The following DTNA variants were observed in gnomAD, a reference collection of about 807,000 sequenced individuals.
DTNA encodes the protein dystrophin-related protein 3.
DTNA carries 43 observed loss-of-function variants against 100.7 expected under a neutral mutation model. The observed-to-expected ratio is 0.43, with a 90% CI of 0.33 to 0.55. The LOEUF (loss-of-function observed/expected upper bound fraction) is 0.55, where lower values mean the gene tolerates loss of function less well. Among genes scored for constraint, DTNA ranks in the 20% least tolerant of loss-of-function variants. The probability of loss-of-function intolerance (pLI) is 0.04; values close to 1 mark genes in which losing one functional copy is unlikely to be tolerated. For synonymous variants in DTNA, 349 were observed against 347.9 expected (o/e 1.00, Z -0.04); for missense variants, 798 against 953.9 (o/e 0.84, Z 2.15).
chr18:34,889,758 C>T lies in DTNA; in HGVS notation c.*2024C>T, dbSNP rs1331257828. The T allele has an allele frequency of 2.0e-6, 2 of 986,488 alleles. No individual in the cohort carries two copies. The highest frequency in any genetic ancestry group is 3.5e-5 in the African/African-American group (2 of 57,224). The allele number at this position is 986,488 out of a possible 1,614,324, so 61.1% of individuals were successfully genotyped here. ...TGACATACTTAATCATATATCTCTC[C>T]AGAGAACTCACCTGACAAATGTCTC... On this transcript the variant is annotated 3_prime_UTR_variant, in exon 23 of 23. Coordinates refer to ENST00000444659, the MANE Select transcript of DTNA (RefSeq NM_001386795.1).
intron 1 of DTNA, among the ~76,000 whole-genome samples, chr18:34,531,557 A>G (rs769052783): frequency 2.7e-4 from 41 of 152,142 alleles, no homozygotes; most frequent in Non-Finnish European, 5.0e-4. Context: ...TTTATTAACT[A>G]TCACTTCATT....
At chr18:34,508,584 T>A (rs1378400953) in intron 1 of DTNA, among the ~76,000 whole-genome samples, 3 of 152,306 alleles carry the variant, frequency 2.0e-5, no homozygotes, top group Non-Finnish European at 2.9e-5. Context: ...TGTTTTATGA[T>A]GGTGCTGAAA....
chr18:34,768,888 T>A (rs964649239), intron 3 of DTNA, among the ~76,000 whole-genome samples: 2 of 152,190 alleles, frequency 1.3e-5, no homozygotes, highest in Non-Finnish European at 2.9e-5. Flanking sequence ...TGTAGAAAGA[T>A]AATGATAGAA....
chr18:34,862,049 G>T (rs1044129286), intron 16 of DTNA, among the ~76,000 whole-genome samples: 2 of 140,706 alleles, frequency 1.4e-5, no homozygotes, highest in African/African-American at 5.3e-5. Context: ...GAACTGGAAA[G>T]AAATCAGAAA....
At chr18:34,623,846 T>C (rs1014892024) in intron 1 of DTNA, among the ~76,000 whole-genome samples, 8 of 152,190 alleles carry the variant, frequency 5.3e-5, no homozygotes, top group Non-Finnish European at 1.0e-4. Context: ...GAAAGCTGCA[T>C]TTTAAAAACT....
chr18:34,498,444 TAA>T (rs1568539386), intron 1 of DTNA, among the ~76,000 whole-genome samples: 18 of 57,112 alleles, frequency 3.2e-4, no homozygotes, highest in African/African-American at 1.0e-3. Context: ...GAAAATAATA[TAA>T]TAATAATAAT....
chr18:34,554,627 G>T (rs2045830238), intron 1 of DTNA, among the ~76,000 whole-genome samples: 1 of 151,602 alleles, frequency 6.6e-6, no homozygotes, highest in African/African-American at 2.4e-5. Context: ...CATCTATTGA[G>T]ATAATCATGT....
At chr18:34,517,153 C>T (rs6507095) in intron 1 of DTNA, among the ~76,000 whole-genome samples, 14,668 of 152,130 alleles carry the variant, frequency 0.096, 798 homozygotes, top group Non-Finnish European at 0.12. Context: ...CTCAGCCATC[C>T]ACATAACTGT....
At chr18:34,808,818 C>T (rs1323777456) in intron 5 of DTNA, among the ~76,000 whole-genome samples, 1 of 152,144 alleles carries the variant, frequency 6.6e-6, no homozygotes, top group Non-Finnish European at 1.5e-5. Context: ...ATGCATGTGT[C>T]CCCTTGGAGG....
intron 3 of DTNA, among the ~76,000 whole-genome samples, chr18:34,772,246 A>G (rs895370532): frequency 1.3e-5 from 2 of 152,216 alleles, no homozygotes; most frequent in Non-Finnish European, 2.9e-5. Flanking sequence ...CTATAATTAT[A>G]TCTCGGCTGT....
Position 34,858,328 on chromosome 18 carries a change from C to T in DTNA, c.1576C>T (p.Gln526Ter). The T allele has an allele frequency of 6.2e-7, 1 of 1,614,172 alleles. No individual in the cohort carries two copies. Among genetic ancestry groups the T allele is most frequent in the Non-Finnish European group, 8.5e-7 (1 of 1,180,028 alleles). The change falls in exon 16 of 23, where the codon CAA becomes TAA. Residue 526 changes from glutamine (Q) to a stop codon, truncating the protein, a stop_gained. Transcript: ENST00000444659. LOFTEE classifies it high-confidence loss of function. Reference protein sequence around the residue: ...EIQRLRLEHEQASQPTPEKAQ... With the variant: ...EIQRLRLEHE ...CCAGAGACTTCGGCTAGAGCATGAA[C>T]AAGCTTCTCAGCCCACGCCAGAGAA...
intron 1 of DTNA, among the ~76,000 whole-genome samples, chr18:34,496,869 G>C (rs1182659061): frequency 6.6e-6 from 1 of 152,122 alleles, no homozygotes; most frequent in Non-Finnish European, 1.5e-5. Flanking sequence ...TTTCCTAAAT[G>C]CTTGCATGTT....
At chr18:34,661,708 T>C (rs150199437) in intron 1 of DTNA, among the ~76,000 whole-genome samples, 2 of 152,242 alleles carry the variant, frequency 1.3e-5, no homozygotes, top group Non-Finnish European at 2.9e-5. Context: ...CGCCTCTCCA[T>C]CCACTGTTCC....
intron 1 of DTNA, among the ~76,000 whole-genome samples, chr18:34,733,883 T>A (rs899226194): frequency 6.6e-6 from 1 of 152,190 alleles, no homozygotes; most frequent in Admixed American, 6.5e-5. Flanking sequence ...TATTAGAATA[T>A]TTTTTAACTC....
At chr18:34,552,645 G>C (rs1421596294) in intron 1 of DTNA, among the ~76,000 whole-genome samples, 1 of 150,226 alleles carries the variant, frequency 6.7e-6, no homozygotes, top group Non-Finnish European at 1.5e-5. Context: ...TTTTGTTCTT[G>C]CGATAGTTTA....
At chr18:34,575,261 C>T (rs1257481881) in intron 1 of DTNA, among the ~76,000 whole-genome samples, 2 of 152,124 alleles carry the variant, frequency 1.3e-5, no homozygotes, top group South Asian at 2.1e-4. Context: ...TAATATAATG[C>T]ATAAGCTTCT....
intron 1 of DTNA, among the ~76,000 whole-genome samples, chr18:34,740,951 G>C (rs541900163): frequency 1.3e-5 from 2 of 152,254 alleles, no homozygotes; most frequent in African/African-American, 4.8e-5. Context: ...TGAGGCACAG[G>C]CATCATGAAT....
At chr18:34,673,238 A>C (rs957770214) in intron 1 of DTNA, among the ~76,000 whole-genome samples, 4 of 152,056 alleles carry the variant, frequency 2.6e-5, no homozygotes, top group Non-Finnish European at 4.4e-5. Context: ...GGTACACACC[A>C]CCACGCCCAG....
intron 1 of DTNA, among the ~76,000 whole-genome samples, chr18:34,500,741 G>A (rs2039824145): frequency 6.6e-6 from 1 of 152,082 alleles, no homozygotes; most frequent in Admixed American, 6.6e-5. Context: ...TGGGATTACA[G>A]GCATGAGCCA....
Sources: allele counts gnomAD v4.1 joint callset (sites outside exome capture counted in the v4.1 genomes callset), GRCh38; gene constraint gnomAD v4.1.1; transcripts MANE v1.5; gene names NCBI Gene and HGNC (gene_info 2026-07-23, HGNC 2026-07-21).